The following TMEM117 variants were observed in gnomAD, a reference collection of about 807,000 sequenced individuals.
TMEM117 encodes the protein transmembrane protein 117.
A neutral mutation model predicts 52.4 loss-of-function variants in TMEM117; 27 were observed. The observed-to-expected ratio is 0.51, with a 90% CI of 0.38 to 0.71. The LOEUF (loss-of-function observed/expected upper bound fraction) is 0.71. Among genes scored for constraint, TMEM117 ranks in the 30% least tolerant of loss-of-function variants. The pLI, the probability that TMEM117 is intolerant of heterozygous loss-of-function variation, is 0.00. For missense variants in TMEM117, 556 were observed against 630.5 expected (o/e 0.88, Z 1.26); for synonymous variants, 215 against 206.3 (o/e 1.04, Z -0.36).
intron 1 of TMEM117, among the ~76,000 whole-genome samples, chr12:43,841,524 A>G (rs1335071601): frequency 6.6e-6 from 1 of 152,200 alleles, no homozygotes; most frequent in Non-Finnish European, 1.5e-5. Context: ...CTGGAGAGAA[A>G]CAGCTGTCTC....
intron 5 of TMEM117, among the ~76,000 whole-genome samples, chr12:44,268,187 G>T: frequency 6.6e-6 from 1 of 151,700 alleles, no homozygotes. Context: ...GCCCAGCTTG[G>T]AGTGCAATGA....
At chr12:44,110,374 C>T (rs1210402183) in intron 3 of TMEM117, among the ~76,000 whole-genome samples, 1 of 67,990 alleles carries the variant, frequency 1.5e-5, no homozygotes, top group African/African-American at 6.4e-5. Context: ...TTTTGAAATA[C>T]GTCCCATCAA....
chr12:43,930,743 A>G (rs1418085413), intron 2 of TMEM117, among the ~76,000 whole-genome samples: 4 of 152,194 alleles, frequency 2.6e-5, no homozygotes, highest in Admixed American at 2.0e-4. Context: ...CAGTATAATT[A>G]TTGTTCCTTT....
At chr12:44,182,808 T>A (rs1949222609) in intron 4 of TMEM117, among the ~76,000 whole-genome samples, 2 of 152,030 alleles carry the variant, frequency 1.3e-5, no homozygotes, top group Admixed American at 6.6e-5. Flanking sequence ...GTGTGATGAG[T>A]CGGTCAGTAG....
chr12:44,136,979 T>A lies in TMEM117; in HGVS notation c.411-6546T>A, dbSNP rs1268092597. On this transcript the variant is annotated intron_variant, in intron 3 of 7. Transcript: ENST00000266534. ...CTTGTTTTTACCTTTTATGCTTTTA[T>A]ACTCATCCTACTTTGGCCCTGATGT... Among the ~76,000 whole-genome samples the A allele has an allele frequency of 2.0e-5, 3 of 152,072 alleles. No individual in the cohort carries two copies. In the East Asian group the frequency reaches 5.8e-4, roughly 29 times the overall value.
chr12:44,305,431 A>T (rs1950892008), intron 6 of TMEM117, among the ~76,000 whole-genome samples: 1 of 152,170 alleles, frequency 6.6e-6, no homozygotes, highest in African/African-American at 2.4e-5. Context: ...TCTAGAATTT[A>T]AAAGATACTT....
chr12:43,979,563 A>G (rs574483228), intron 3 of TMEM117, among the ~76,000 whole-genome samples: 1 of 152,278 alleles, frequency 6.6e-6, no homozygotes, highest in South Asian at 2.1e-4. Flanking sequence ...GGAATAGTAT[A>G]AAAGCAGTCT....
intron 3 of TMEM117, among the ~76,000 whole-genome samples, chr12:44,090,667 C>T (rs1179415283): frequency 2.6e-5 from 4 of 151,098 alleles, no homozygotes; most frequent in Admixed American, 6.6e-5. Flanking sequence ...AAACCCCTGA[C>T]GTCCTAAGGT....
chr12:43,797,371 T>C, the TMEM117 span: 1 of 1,605,924 alleles, frequency 6.2e-7, no homozygotes, highest in Admixed American at 1.7e-5. Context: ...GCTGAATCCT[T>C]GGGAATCCTC....
intron 5 of TMEM117, among the ~76,000 whole-genome samples, chr12:44,217,336 G>T (rs1949731525): frequency 6.6e-6 from 1 of 152,194 alleles, no homozygotes; most frequent in African/African-American, 2.4e-5. Flanking sequence ...TCTGAGACAA[G>T]TTGAGACCTG....
intron 4 of TMEM117, among the ~76,000 whole-genome samples, chr12:44,149,535 C>A (rs1394852959): frequency 6.6e-6 from 1 of 152,052 alleles, no homozygotes; most frequent in African/African-American, 2.4e-5. Flanking sequence ...TTTTAATTGT[C>A]ATTTTATGCT....
intron 3 of TMEM117, among the ~76,000 whole-genome samples, chr12:43,961,832 T>G (rs933512993): frequency 1.1e-4 from 17 of 152,176 alleles, no homozygotes; most frequent in Non-Finnish European, 2.2e-4. Flanking sequence ...AGGAAATAAT[T>G]ACTTTCTAGT....
At chr12:44,399,007 ATTAT>A in the TMEM117 span, among the ~76,000 whole-genome samples, 6 of 152,288 alleles carry the variant, frequency 3.9e-5, no homozygotes, top group East Asian at 9.6e-4. Flanking sequence ...GCTTGATTTA[ATTAT>A]TCCACATTTG....
chr12:44,072,970 G>A (rs1947325107), intron 3 of TMEM117, among the ~76,000 whole-genome samples: 1 of 151,958 alleles, frequency 6.6e-6, no homozygotes, highest in South Asian at 2.1e-4. Flanking sequence ...TGTGCCTGTA[G>A]TCCCACTTAC....
intron 6 of TMEM117, among the ~76,000 whole-genome samples, chr12:44,312,178 A>G (rs928964646): frequency 5.9e-5 from 9 of 151,960 alleles, no homozygotes; most frequent in African/African-American, 2.2e-4. Context: ...TGATCCTATC[A>G]TCTATGGTGT....
chr12:43,936,534 T>C (rs117492558), intron 2 of TMEM117, among the ~76,000 whole-genome samples: 106 of 152,142 alleles, frequency 7.0e-4, no homozygotes, highest in African/African-American at 2.2e-3. Context: ...GATCATATAG[T>C]GATATGATGA....
intron 3 of TMEM117, among the ~76,000 whole-genome samples, chr12:43,981,478 G>A (rs1019415034): frequency 6.6e-6 from 1 of 152,178 alleles, no homozygotes; most frequent in Admixed American, 6.5e-5. Context: ...TTAACTGTTA[G>A]AGCCACGTAA....
chr12:44,103,375 A>C (rs1947897045), intron 3 of TMEM117, among the ~76,000 whole-genome samples: 3 of 151,982 alleles, frequency 2.0e-5, no homozygotes, highest in African/African-American at 7.2e-5. Flanking sequence ...GGGAGCAAGA[A>C]GCACCACAGA....
the TMEM117 span, among the ~76,000 whole-genome samples, chr12:43,809,460 A>C: frequency 1.6e-4 from 25 of 152,252 alleles, no homozygotes; most frequent in Non-Finnish European, 3.5e-4. Context: ...AATCAAGTGA[A>C]ATATGACTTT....
Sources: gnomAD v4.1 joint callset for allele counts (sites outside exome capture counted in the v4.1 genomes callset) on GRCh38, gnomAD v4.1.1 for gene constraint, MANE v1.5 for transcripts, NCBI Gene and HGNC (gene_info 2026-07-23, HGNC 2026-07-21) for gene names.